Variants in MED14 observed in about 807,000 individuals in gnomAD.
MED14 encodes the protein mediator of RNA polymerase II transcription subunit 14.
A neutral mutation model predicts 109.0 loss-of-function variants in MED14; 8 were observed. The observed-to-expected ratio is 0.07, with a 90% confidence interval of 0.04 to 0.13. The LOEUF is 0.13. Among genes scored for constraint, MED14 ranks in the 10% least tolerant of loss-of-function variants. The pLI, the probability that MED14 is intolerant of heterozygous loss-of-function variation, is 1.00. For missense variants in MED14, 711 were observed against 1,142.4 expected, an observed-to-expected ratio of 0.62 and a Z score of 5.44; for synonymous variants, 399 against 408.7, an observed-to-expected ratio of 0.98 and a Z score of 0.29.
intron 1 of MED14, among the ~76,000 whole-genome samples, chrX:40,732,476 A>G (rs1036776767): frequency 4.7e-4 from 51 of 108,413 alleles, no homozygotes; most frequent in African/African-American, 1.7e-3. Flanking sequence ...CCGAGATCAC[A>G]CCACTGCACT....
At chrX:40,704,107 C>T (rs1369551445) in intron 10 of MED14, among the ~76,000 whole-genome samples, 6 of 111,649 alleles carry the variant, frequency 5.4e-5, no homozygotes, top group Admixed American at 2.9e-4. Flanking sequence ...TTTTTCAAGT[C>T]ATTTGTATAC....
At chrX:40,669,349 C>T (rs1929636867) in intron 23 of MED14, among the ~76,000 whole-genome samples, 2 of 111,888 alleles carry the variant, frequency 1.8e-5, no homozygotes, top group African/African-American at 6.5e-5. Context: ...TACTTCCTCC[C>T]TAGCTGCTAC....
Position 40,714,660 on chromosome X carries a change from A to C in MED14, c.399T>G (p.Ala133=). The change falls in exon 4 of 31, where the codon GCT becomes GCG. Residue 133 remains alanine (A), a synonymous_variant. Transcript: ENST00000324817. Reference sequence around the variant, plus strand: ...CTCTAGCTAACGAGGCCAGGCGATCAGCAGTGTCCACAAACAGGATGGCTT... The same window carrying C: ...CTCTAGCTAACGAGGCCAGGCGATCCGCAGTGTCCACAAACAGGATGGCTT... The part of the protein sequence containing the change: ...DQQAILFVDT[A]DRLASLARDA... The C allele has an allele frequency of 8.3e-7, 1 of 1,211,803 alleles. No homozygotes were observed. The highest frequency in any genetic ancestry group is 1.8e-5 in the South Asian group (1 of 56,955).
chrX:40,664,174 C>A, intron 25 of MED14, 133 bp downstream of exon 25: 1 of 555,667 alleles, frequency 1.8e-6, no homozygotes. Flanking sequence ...ATCTCTTCAT[C>A]TGCATCCTTT....
chrX:40,716,297 A>G (rs996332734), intron 3 of MED14, among the ~76,000 whole-genome samples: 32 of 111,345 alleles, frequency 2.9e-4, no homozygotes, highest in Admixed American at 2.7e-3. Flanking sequence ...TTCCTCAAAA[A>G]AAAACTAAAA....
rs752873378 is a variant in MED14 at position 40,714,575 on chromosome X, T to A, written c.484A>T (p.Thr162Ser). 1.7e-6 allele frequency: 2 copies of A among 1,211,579 alleles called. No individual in the cohort carries two copies. The highest frequency in any genetic ancestry group is 3.5e-5 in the African/African-American group (2 of 57,746). The change falls in exon 4 of 31, where the codon ACT (threonine) becomes TCT (serine). Residue 162 changes from threonine (T) to serine (S), a missense_variant. Thr to Ser is a moderately conservative substitution (Grantham distance 58, BLOSUM62 1). This residue lies in a region of MED14 where 388 missense variants were observed against 517.3 expected (regional missense o/e 0.75). Transcript: ENST00000324817. The part of the protein sequence containing the change: ...FAIPYAIDVL[T>S]TGSYPRLPTC... ...GGCAGCCGTGGGTAAGATCCAGTAG[T>A]TAGTACATCAATGGCATATGGGATG...
In MED14 at chrX:40,650,169, G is replaced by A. The variant is rs1001117003; in HGVS notation, c.*1637C>T. The A allele has an allele frequency of 7.7e-5, 58 of 751,978 alleles. No homozygotes were observed. The highest frequency in any genetic ancestry group is 8.9e-5 in the Non-Finnish European group (57 of 638,237). The allele number at this position is 751,978 out of a possible 1,213,427, so 62.0% of individuals were successfully genotyped here. A position where few individuals can be genotyped will look rare whatever the true frequency, so the allele number is the denominator to read the frequency against. On this transcript the variant is annotated 3_prime_UTR_variant, in exon 31 of 31. Transcript: ENST00000324817. ...ATTACCACTGTAAGAACTAAAAACA[G>A]AAGGATAAAAAGATTAAGTTAAAGG...
In MED14 at chrX:40,654,476, T is replaced by A. The variant is rs1406941754; in HGVS notation, c.4179A>T (p.Ser1393=). ...GAATGTCTGCCTGCTGGGTTGTACC[T>A]GAAGCCATGTCATAAATGATTGGAA... ...IIVPIIYDMA[S]GTTQQADIPR... Residue 1393 remains serine (S), a synonymous_variant, in exon 30 of 31, where the codon TCA becomes TCT. Coordinates refer to ENST00000324817, the MANE Select transcript of MED14 (RefSeq NM_004229.4). 5.0e-6 allele frequency: 6 copies of A among 1,209,444 alleles called. No homozygotes were observed. The highest frequency in any genetic ancestry group is 6.7e-6 in the Non-Finnish European group (6 of 894,768).
chrX:40,698,771 G>A (rs1930816288), intron 12 of MED14, among the ~76,000 whole-genome samples: 1 of 112,036 alleles, frequency 8.9e-6, no homozygotes, highest in Admixed American at 9.4e-5. Context: ...AACAATTGTT[G>A]GCAAGGATGT....
chrX:40,705,619 G>A (rs1931109155), intron 10 of MED14, among the ~76,000 whole-genome samples: 1 of 112,007 alleles, frequency 8.9e-6, no homozygotes, highest in South Asian at 3.7e-4. Context: ...TAAGATGACA[G>A]GACTTGCTGC....
chrX:40,704,227 A>G (rs1341468542), intron 10 of MED14, among the ~76,000 whole-genome samples: 1 of 112,327 alleles, frequency 8.9e-6, no homozygotes, highest in Non-Finnish European at 1.9e-5. Context: ...ACGAGGCCCA[A>G]TTAACTTTTC....
At chrX:40,728,495 C>T (rs1931967020) in intron 2 of MED14, among the ~76,000 whole-genome samples, 1 of 109,620 alleles carries the variant, frequency 9.1e-6, no homozygotes, top group African/African-American at 3.3e-5. Flanking sequence ...TGGAGTGTTG[C>T]CATTAAGAAA....
At chrX:40,734,434 A>G (rs1932181760) in intron 1 of MED14, among the ~76,000 whole-genome samples, 2 of 112,501 alleles carry the variant, frequency 1.8e-5, no homozygotes, top group Non-Finnish European at 3.8e-5. Flanking sequence ...TCAATTGATA[A>G]CCCTGATCTG....
At chrX:40,727,452 TA>T (rs1931930130) in intron 2 of MED14, among the ~76,000 whole-genome samples, 1 of 111,649 alleles carries the variant, frequency 9.0e-6, no homozygotes, top group Non-Finnish European at 1.9e-5. Context: ...CAAGCAAAGC[TA>T]AAGAAATTAT....
chrX:40,732,438 G>A (rs1183640446), intron 1 of MED14, among the ~76,000 whole-genome samples: 1 of 110,057 alleles, frequency 9.1e-6, no homozygotes, highest in Non-Finnish European at 1.9e-5. Flanking sequence ...AGAATCACTT[G>A]AACCCGGGAG....
intron 12 of MED14, among the ~76,000 whole-genome samples, chrX:40,697,657 CTCCTTTTAT>C (rs1412261061): frequency 8.9e-6 from 1 of 112,199 alleles, no homozygotes; most frequent in Non-Finnish European, 1.9e-5. Context: ...TAATATAGTA[CTCCTTTTAT>C]TCCTTTTATT....
chrX:40,721,525 C>T (rs1477228014), intron 3 of MED14, among the ~76,000 whole-genome samples: 1 of 112,952 alleles, frequency 8.9e-6, no homozygotes, highest in African/African-American at 3.2e-5. Flanking sequence ...TAATCCCTGG[C>T]CACCAGACAG....
Position 40,650,986 on chromosome X carries a change from T to C in MED14, c.*820A>G. Reference sequence around the variant, plus strand: ...GAATGATTGCATTATTTGGGATCCTTGATCAATACGAACCACATACTGTCC... The same window carrying C: ...GAATGATTGCATTATTTGGGATCCTCGATCAATACGAACCACATACTGTCC... On this transcript the variant is annotated 3_prime_UTR_variant, in exon 31 of 31. Coordinates refer to ENST00000324817, the MANE Select transcript of MED14 (RefSeq NM_004229.4). 1.3e-6 allele frequency: 1 copy of C among 752,176 alleles called. No individual in the cohort carries two copies. The highest frequency in any genetic ancestry group is 1.6e-6 in the Non-Finnish European group (1 of 637,258). 62.0% of individuals were successfully genotyped at this position (752,176 alleles called of 1,213,427 possible).
chrX:40,682,487 T>C, intron 18 of MED14, 116 bp downstream of exon 18: 1 of 562,374 alleles, frequency 1.8e-6, no homozygotes, highest in Non-Finnish European at 2.7e-6. Context: ...TAAGTTTTAT[T>C]AGATATACTT....
Sources: allele counts gnomAD v4.1 joint callset (sites outside exome capture counted in the v4.1 genomes callset), GRCh38; gene constraint gnomAD v4.1.1; regional missense constraint gnomAD v4.1.1; transcripts MANE v1.5; gene names NCBI Gene and HGNC (gene_info 2026-07-23, HGNC 2026-07-21).